The following POU2F2 variants were observed in gnomAD, a reference collection of about 807,000 sequenced individuals.
POU2F2 encodes the protein POU domain, class 2, transcription factor 2.
Under a neutral mutation model 63.5 loss-of-function variants are expected in POU2F2, and 14 were observed. The observed-to-expected ratio is 0.22, with a 90% confidence interval of 0.15 to 0.34. The LOEUF (loss-of-function observed/expected upper bound fraction) is 0.34, where lower values mean the gene tolerates loss of function less well. Ranked by LOEUF, POU2F2 falls within the 10% of genes least tolerant of loss-of-function variation. The pLI is 1.00. For missense variants in POU2F2, 607 were observed against 815.2 expected (o/e 0.74, Z 3.11); for synonymous variants, 306 against 348.6 (o/e 0.88, Z 1.36).
At chr19:42,165,358 T>G (rs2034630389) in intron 1 of POU2F2, among the ~76,000 whole-genome samples, 1 of 152,190 alleles carries the variant, frequency 6.6e-6, no homozygotes, top group Non-Finnish European at 1.5e-5. Flanking sequence ...TTCAGGAAAC[T>G]GGCTGAGGGC....
At chr19:42,161,027 T>A (rs1443014995) in intron 1 of POU2F2, among the ~76,000 whole-genome samples, 3 of 152,176 alleles carry the variant, frequency 2.0e-5, no homozygotes. Context: ...CAGAGATGAA[T>A]TAGACAAGGT....
chr19:42,141,076 A>G (rs923588967), intron 2 of POU2F2, among the ~76,000 whole-genome samples: 2 of 152,164 alleles, frequency 1.3e-5, no homozygotes, highest in African/African-American at 2.4e-5. Flanking sequence ...CCCTGACCTC[A>G]GTCTTGCCAC....
intron 5 of POU2F2, among the ~76,000 whole-genome samples, chr19:42,116,228 G>A (rs1410576820): frequency 2.0e-5 from 3 of 152,212 alleles, no homozygotes; most frequent in Non-Finnish European, 4.4e-5. Context: ...TCAGGGAGGT[G>A]ATGGAGAACC....
chr19:42,095,872 T>C lies in POU2F2; in HGVS notation c.787A>G (p.Ile263Val), dbSNP rs778144550. The C allele has an allele frequency of 5.0e-6, 8 of 1,613,784 alleles. No homozygotes were observed. The highest frequency in any genetic ancestry group is 1.1e-5 in the South Asian group (1 of 91,088). The change falls in exon 9 of 15, where the codon ATT (isoleucine) becomes GTT (valine). Residue 263 changes from isoleucine (I) to valine (V), a missense_variant. Coordinates refer to ENST00000692977, the MANE Select transcript of POU2F2 (RefSeq NM_001394376.1). The surrounding 1 kb of genome is among the most constrained non-coding windows in gnomAD (Gnocchi z 7.1). ...LYGNDFSQTT[I>V]SRFEALNLSF... ...AGGTTGAGGGCCTCGAAGCGGGAAA[T>C]GGTCGTCTGGCTGAAGTCGTTGCCG...
upstream of POU2F2, among the ~76,000 whole-genome samples, chr19:42,133,282 G>A (rs2033885745): frequency 6.6e-6 from 1 of 152,210 alleles, no homozygotes; most frequent in South Asian, 2.1e-4. The surrounding 1 kb of genome is among the most constrained non-coding windows in gnomAD (Gnocchi z 5.1). Flanking sequence ...GCCGGAGGGC[G>A]GGGCCGGCTG....
At position 42,093,013 on chromosome 19, in the gene POU2F2, T is replaced by A. The variant is rs1292939739; in HGVS notation, c.1265-743A>T. Among the ~76,000 whole-genome samples the A allele has an allele frequency of 7.7e-3, 987 of 127,936 alleles. 3 individuals carry two copies. The highest frequency in any genetic ancestry group is 0.019 in the African/African-American group (582 of 30,768). 83.9% of individuals were successfully genotyped at this position (127,936 alleles called of 152,430 possible). ...TATATATATATATATATATATATTTTTTTTTTTTTTTTTTTTGAGATGGAA... is the reference window on the plus strand; with the variant it reads ...TATATATATATATATATATATATTTATTTTTTTTTTTTTTTTGAGATGGAA... On this transcript the variant is annotated intron_variant, in intron 12 of 14. Coordinates refer to ENST00000692977, the MANE Select transcript of POU2F2 (RefSeq NM_001394376.1).
upstream of POU2F2, among the ~76,000 whole-genome samples, chr19:42,176,534 C>G (rs2034884088): frequency 1.3e-5 from 2 of 152,070 alleles, no homozygotes; most frequent in African/African-American, 4.8e-5. Context: ...CCTCAGCCGA[C>G]TGCCCTCTCC....
chr19:42,137,237 G>A (rs2034033568), upstream of POU2F2: 2 of 152,040 alleles, frequency 1.3e-5, no homozygotes, highest in Non-Finnish European at 1.5e-5. Context: ...TCCTCTGGAG[G>A]GTAAAGCAGG....
intron 2 of POU2F2, among the ~76,000 whole-genome samples, chr19:42,147,675 G>A (rs2034259381): frequency 6.6e-6 from 1 of 152,198 alleles, no homozygotes; most frequent in Non-Finnish European, 1.5e-5. Context: ...CGAAGCCTCA[G>A]TTTCCACTTC....
intron 1 of POU2F2, among the ~76,000 whole-genome samples, chr19:42,194,715 C>T (rs571018356): frequency 1.7e-5 from 2 of 116,384 alleles, no homozygotes; most frequent in Admixed American, 2.3e-4. Flanking sequence ...GCCGAAATCA[C>T]GCCACTGAAG....
At chr19:42,197,150 G>C (rs1339957170), upstream of POU2F2, among the ~76,000 whole-genome samples, 1 of 152,172 alleles carries the variant, frequency 6.6e-6, no homozygotes, top group South Asian at 2.1e-4. Flanking sequence ...AAATGGAAGG[G>C]TCAGGGCAAG....
chr19:42,102,946 C>A (rs2077198897), intron 5 of POU2F2, among the ~76,000 whole-genome samples: 1 of 152,146 alleles, frequency 6.6e-6, no homozygotes, highest in Non-Finnish European at 1.5e-5. Context: ...TCCCTTTATA[C>A]TGAGGCCTGT....
At chr19:42,134,031 A>G (rs143899000), upstream of POU2F2, among the ~76,000 whole-genome samples, 9 of 152,284 alleles carry the variant, frequency 5.9e-5, no homozygotes, top group Non-Finnish European at 1.0e-4. Context: ...AGGCCATTTC[A>G]CAGAGGAGAT....
chr19:42,132,186 G>A (rs2033804885), intron 1 of POU2F2, among the ~76,000 whole-genome samples, 198 bp downstream of exon 1: 1 of 152,208 alleles, frequency 6.6e-6, no homozygotes, highest in Non-Finnish European at 1.5e-5. Context: ...GGAAGTTCCG[G>A]TGCCTGATGT....
chr19:42,173,968 C>G (rs1297825887), intron 1 of POU2F2, among the ~76,000 whole-genome samples: 2 of 152,162 alleles, frequency 1.3e-5, no homozygotes, highest in Admixed American at 6.5e-5. Flanking sequence ...CCTGTCACCC[C>G]CTGACATGGG....
chr19:42,111,665 A>G (rs1316964213), intron 5 of POU2F2, among the ~76,000 whole-genome samples: 1 of 152,152 alleles, frequency 6.6e-6, no homozygotes, highest in Non-Finnish European at 1.5e-5. Context: ...CCAAAATCCT[A>G]GGAGTCATCC....
intron 4 of POU2F2, among the ~76,000 whole-genome samples, chr19:42,120,609 T>TGGG (rs1243180888): frequency 6.6e-6 from 1 of 152,172 alleles, no homozygotes. Flanking sequence ...CAAGAGACTC[T>TGGG]GGGTAAATTT....
In POU2F2 at chr19:42,162,148, C is replaced by T. The variant is rs2034564735; in HGVS notation, c.-69-1756G>A. On this transcript the variant is annotated intron_variant, in intron 1 of 6. Coordinates refer to the POU2F2 transcript ENST00000524801. The surrounding 1 kb of genome is among the most constrained non-coding windows in gnomAD (Gnocchi z 4.1). ...CTGGGGTCTTCCCCCAGGCAGTGCC[C>T]CCACCTTGGGCTTCCCTCCAGCAGG... Among the ~76,000 whole-genome samples the T allele has an allele frequency of 6.6e-6, 1 of 152,118 alleles. No homozygotes were observed. Among genetic ancestry groups the T allele is most frequent in the Non-Finnish European group, 1.5e-5 (1 of 68,010 alleles).
At chr19:42,138,294 T>C (rs572970085) in intron 2 of POU2F2, among the ~76,000 whole-genome samples, 1 of 152,180 alleles carries the variant, frequency 6.6e-6, no homozygotes, top group East Asian at 1.9e-4. Flanking sequence ...GGTCCAGGTA[T>C]GTTAAAGTAT....
Sources: allele counts gnomAD v4.1 joint callset (sites outside exome capture counted in the v4.1 genomes callset), GRCh38; gene constraint gnomAD v4.1.1; non-coding constraint Gnocchi (gnomAD v3.1); transcripts MANE v1.5; gene names NCBI Gene and HGNC (gene_info 2026-07-23, HGNC 2026-07-21).